The following CDKAL1 variants were observed in gnomAD, a reference collection of about 807,000 sequenced individuals.
The protein encoded by CDKAL1 is CDKAL1 threonylcarbamoyladenosine tRNA methylthiotransferase, also known as threonylcarbamoyladenosine tRNA methylthiotransferase.
In CDKAL1, 32 loss-of-function variants were observed where a neutral mutation model predicts 68.2. That is an observed-to-expected ratio of 0.47 (90% CI 0.35 to 0.63). CDKAL1 has a LOEUF of 0.63. Ranked by LOEUF, CDKAL1 falls within the 30% of genes least tolerant of loss-of-function variation. The pLI is 0.00. For missense variants in CDKAL1, 606 were observed against 696.7 expected (o/e 0.87, Z 1.47); for synonymous variants, 234 against 244.3 (o/e 0.96, Z 0.39).
chr6:21,019,700 T>C (rs1359957654), intron 11 of CDKAL1, among the ~76,000 whole-genome samples: 2 of 152,170 alleles, frequency 1.3e-5, no homozygotes, highest in Non-Finnish European at 2.9e-5. Flanking sequence ...TTTCCGAAAT[T>C]TTTTTCTTAA....
chr6:21,177,633 G>C (rs1777636031), intron 13 of CDKAL1, among the ~76,000 whole-genome samples: 1 of 150,886 alleles, frequency 6.6e-6, no homozygotes, highest in East Asian at 1.9e-4. Flanking sequence ...TCTTCAACCT[G>C]GTTGGGTATT....
chr6:21,145,021 C>G (rs1776099560), intron 13 of CDKAL1, among the ~76,000 whole-genome samples: 2 of 152,112 alleles, frequency 1.3e-5, no homozygotes, highest in Admixed American at 1.3e-4. Context: ...GGCTTGAGCC[C>G]TAGGTGGTCA....
chr6:21,194,973 A>T (rs766581244), intron 13 of CDKAL1, among the ~76,000 whole-genome samples: 82 of 152,054 alleles, frequency 5.4e-4, no homozygotes, highest in Non-Finnish European at 9.0e-4. Context: ...ATAGGTTCTC[A>T]CTCTGTTGCC....
At chr6:21,213,839 A>G (rs1779248552) in intron 15 of CDKAL1, among the ~76,000 whole-genome samples, 1 of 152,220 alleles carries the variant, frequency 6.6e-6, no homozygotes, top group African/African-American at 2.4e-5. Context: ...TATATAGCCA[A>G]CAGAAGGGAA....
At chr6:20,838,510 C>T (rs1357876966) in intron 8 of CDKAL1, among the ~76,000 whole-genome samples, 1 of 152,108 alleles carries the variant, frequency 6.6e-6, no homozygotes, top group Non-Finnish European at 1.5e-5. Context: ...GAAGGTGGAA[C>T]AAAAGAAAAT....
intron 15 of CDKAL1, among the ~76,000 whole-genome samples, chr6:21,230,570 A>G (rs1779926301): frequency 1.3e-5 from 2 of 152,212 alleles, no homozygotes; most frequent in Non-Finnish European, 2.9e-5. Flanking sequence ...TCTACCCTTC[A>G]TGAATTCTGC....
intron 11 of CDKAL1, among the ~76,000 whole-genome samples, chr6:21,058,301 T>C (rs1770946981): frequency 6.6e-6 from 1 of 152,240 alleles, no homozygotes; most frequent in Non-Finnish European, 1.5e-5. Flanking sequence ...TTTGTTGGTT[T>C]AAAATCTGTT....
intron 8 of CDKAL1, among the ~76,000 whole-genome samples, chr6:20,818,734 A>G (rs1777151393): frequency 6.6e-6 from 1 of 150,500 alleles, no homozygotes; most frequent in South Asian, 2.1e-4. Flanking sequence ...ATATAGTTAT[A>G]TACTTAATAA....
At chr6:21,020,228 A>T (rs1287265834) in intron 11 of CDKAL1, among the ~76,000 whole-genome samples, 1 of 151,922 alleles carries the variant, frequency 6.6e-6, no homozygotes, top group Non-Finnish European at 1.5e-5. Context: ...TGGAGAAGTT[A>T]TTTTTTTCTC....
intron 8 of CDKAL1, among the ~76,000 whole-genome samples, chr6:20,811,078 C>T (rs1776796599): frequency 6.6e-6 from 1 of 152,102 alleles, no homozygotes; most frequent in Admixed American, 6.5e-5. Flanking sequence ...CTCAGGAAAC[C>T]TAGCAGTTAC....
intron 5 of CDKAL1, among the ~76,000 whole-genome samples, chr6:20,674,277 A>C (rs1470057304): frequency 6.6e-6 from 1 of 152,146 alleles, no homozygotes; most frequent in African/African-American, 2.4e-5. Context: ...GTCTAATTAC[A>C]GTGTTGAGCA....
chr6:21,004,689 G>T (rs1236995003), intron 11 of CDKAL1, among the ~76,000 whole-genome samples: 8 of 152,306 alleles, frequency 5.3e-5, no homozygotes, highest in Admixed American at 2.0e-4. Flanking sequence ...GTTTGGCTGG[G>T]TGCAGTGGCT....
At chr6:21,005,329 CAT>C (rs1288272581) in intron 11 of CDKAL1, among the ~76,000 whole-genome samples, 14 of 152,286 alleles carry the variant, frequency 9.2e-5, no homozygotes, top group African/African-American at 3.1e-4. Flanking sequence ...AGTTCTTAAG[CAT>C]ATGTTTTAAT....
At chr6:20,917,876 G>A (rs927808275) in intron 9 of CDKAL1, among the ~76,000 whole-genome samples, 2 of 152,190 alleles carry the variant, frequency 1.3e-5, no homozygotes, top group African/African-American at 2.4e-5. Context: ...TTTGTGGGAT[G>A]ATTAAGTCAT....
rs573514924 is a variant in CDKAL1 at position 20,687,697 on chromosome 6, T to C, written c.371+38320T>C. On this transcript the variant is annotated intron_variant, in intron 5 of 15. Coordinates refer to ENST00000274695, the MANE Select transcript of CDKAL1 (RefSeq NM_017774.3). ...CTCACCACCACATGCAGCTAATTTT[T>C]CTATTTTTGGTAGAGAGGGGATTTT... 7.9e-5 allele frequency among the ~76,000 whole-genome samples: 12 copies of C among 152,174 alleles called. No homozygotes were observed. The South Asian group carries it at 2.5e-3, about 32-fold the overall frequency.
At position 20,690,621 on chromosome 6, in the gene CDKAL1, T is replaced by G. The variant is rs367984451; in HGVS notation, c.371+41244T>G. Among the ~76,000 whole-genome samples, 54 of 152,280 alleles carry G rather than the reference T, an allele frequency of 3.5e-4. 1 individual carries two copies. In the East Asian group the frequency reaches 0.01, roughly 28 times the overall value. ...CATTGTTTTAATATATTTTCTTTGATTATAAACAAAATAGAATTTTTTTTA... is the reference window on the plus strand; with the variant it reads ...CATTGTTTTAATATATTTTCTTTGAGTATAAACAAAATAGAATTTTTTTTA... On this transcript the variant is annotated intron_variant, in intron 5 of 15. Transcript: ENST00000274695.
intron 15 of CDKAL1, among the ~76,000 whole-genome samples, chr6:21,224,597 C>G (rs1779663744): frequency 1.3e-5 from 2 of 152,072 alleles, no homozygotes; most frequent in Non-Finnish European, 2.9e-5. Flanking sequence ...GGTCACAGGC[C>G]AAGAGATGTA....
chr6:21,227,692 C>CG (rs1779803373), intron 15 of CDKAL1, among the ~76,000 whole-genome samples: 2 of 83,394 alleles, frequency 2.4e-5, no homozygotes, highest in African/African-American at 1.6e-4. Context: ...CACCAAAATA[C>CG]CTTTATGAAT....
At chr6:21,196,797 A>G (rs1367500971) in intron 13 of CDKAL1, among the ~76,000 whole-genome samples, 1 of 152,176 alleles carries the variant, frequency 6.6e-6, no homozygotes, top group Non-Finnish European at 1.5e-5. Flanking sequence ...ATTGGTAAAA[A>G]TAATCCCCGG....
Sources: allele counts gnomAD v4.1 joint callset (sites outside exome capture counted in the v4.1 genomes callset), GRCh38; gene constraint gnomAD v4.1.1; transcripts MANE v1.5; gene names NCBI Gene and HGNC (gene_info 2026-07-23, HGNC 2026-07-21).